The following ARHGEF12 variants were observed in gnomAD, a reference collection of about 807,000 sequenced individuals.
ARHGEF12 encodes Rho guanine nucleotide exchange factor 12, also known as KMT2A/ARHGEF12 fusion protein.
In ARHGEF12, 66 loss-of-function variants were observed where a neutral mutation model predicts 211.2. The observed-to-expected ratio is 0.31, with a 90% CI of 0.26 to 0.38. The LOEUF is 0.38. ARHGEF12 is among the 10% of genes least tolerant of loss of function. ARHGEF12 has a pLI of 1.00. For missense variants in ARHGEF12, 1,429 were observed against 1,869.5 expected, an observed-to-expected ratio of 0.76 and a Z score of 4.34; for synonymous variants, 592 against 638.4, an observed-to-expected ratio of 0.93 and a Z score of 1.09.
At chr11:120,443,440 AT>A (rs1436761179) in intron 15 of ARHGEF12, among the ~76,000 whole-genome samples, 1 of 152,004 alleles carries the variant, frequency 6.6e-6, no homozygotes, top group Non-Finnish European at 1.5e-5. Flanking sequence ...TCGGTTTTAT[AT>A]TTTCTACAGA....
At position 120,407,896 on chromosome 11, in the gene ARHGEF12, G is replaced by A. The variant is rs556776679; in HGVS notation, c.142+73G>A. 2.3e-5 allele frequency: 29 copies of A among 1,254,712 alleles called. No homozygotes were observed. The African/African-American group carries it at 3.3e-4, about 14-fold the overall frequency. The allele number at this position is 1,254,712 out of a possible 1,614,324, so 77.7% of individuals were successfully genotyped here. ...CAGAATAATAGAGCTTAAGCTACCC[G>A]AAACACTCAGGAATAGTTGTTTGAT... On this transcript the variant is annotated intron_variant, in intron 3 of 40. Transcript: ENST00000397843.
At chr11:120,422,808 T>C (rs1390773370) in intron 6 of ARHGEF12, among the ~76,000 whole-genome samples, 1 of 152,124 alleles carries the variant, frequency 6.6e-6, no homozygotes, top group African/African-American at 2.4e-5. Context: ...TGAGAAGAGA[T>C]GTATATGACT....
intron 1 of ARHGEF12, among the ~76,000 whole-genome samples, chr11:120,343,410 G>A (rs78036586): frequency 2.9e-4 from 44 of 152,302 alleles, no homozygotes; most frequent in Middle Eastern, 3.4e-3. Context: ...AGGGAAGACC[G>A]CTATAAGACA....
chr11:120,388,352 A>G (rs910962329), intron 1 of ARHGEF12, among the ~76,000 whole-genome samples: 16 of 152,294 alleles, frequency 1.1e-4, no homozygotes, highest in African/African-American at 3.8e-4. Context: ...GATATACCAC[A>G]GTTTATCCAT....
chr11:120,473,354 A>G (rs1946930226), intron 31 of ARHGEF12, among the ~76,000 whole-genome samples: 1 of 152,168 alleles, frequency 6.6e-6, no homozygotes, highest in Non-Finnish European at 1.5e-5. Context: ...CATGACAGCA[A>G]TTGGCAGGAG....
chr11:120,458,416 T>C, intron 25 of ARHGEF12, 182 bp downstream of exon 25: 1 of 591,834 alleles, frequency 1.7e-6, no homozygotes. Flanking sequence ...CTCTGATTCT[T>C]ATTGATAATT....
chr11:120,405,751 A>G lies in ARHGEF12; in HGVS notation c.33-367A>G, dbSNP rs946980988. ...TTTAAAAATCTATAAAATGGAAAGT[A>G]TATCTCTTCATAGAGATTTCTTTTT... is the stretch of plus-strand genomic sequence containing the variant. On this transcript the variant is annotated intron_variant, in intron 1 of 40. Transcript: ENST00000397843. Among the ~76,000 whole-genome samples the G allele has an allele frequency of 2.6e-5, 4 of 152,330 alleles. No homozygotes were observed. The South Asian group carries it at 8.3e-4, about 32-fold the overall frequency.
At chr11:120,371,285 T>C (rs1230327239) in intron 1 of ARHGEF12, among the ~76,000 whole-genome samples, 1 of 152,208 alleles carries the variant, frequency 6.6e-6, no homozygotes, top group Non-Finnish European at 1.5e-5. Flanking sequence ...GGTTGGGAGT[T>C]TGAGACCAGC....
chr11:120,337,651 C>T (rs1591470245), intron 1 of ARHGEF12: 1 of 985,370 alleles, frequency 1.0e-6, no homozygotes, highest in Middle Eastern at 5.2e-4. Context: ...CAGCTTTAGC[C>T]GTGTCCTGCA....
intron 22 of ARHGEF12, among the ~76,000 whole-genome samples, chr11:120,451,990 T>C (rs1946228084): frequency 6.6e-6 from 1 of 152,224 alleles, no homozygotes; most frequent in African/African-American, 2.4e-5. Context: ...GATGCTTGCC[T>C]CATGCAGCTT....
At chr11:120,467,368 C>G in intron 29 of ARHGEF12, 60 bp downstream of exon 29, 3 of 995,160 alleles carry the variant, frequency 3.0e-6, no homozygotes, top group Non-Finnish European at 4.7e-6. Flanking sequence ...CACCCAATAT[C>G]CTGTAAATAA....
In ARHGEF12 at chr11:120,429,536, G is replaced by A. The variant is rs780910570; in HGVS notation, c.663+19G>A. The A allele has an allele frequency of 6.2e-7, 1 of 1,610,842 alleles. No individual in the cohort carries two copies. The highest frequency in any genetic ancestry group is 8.5e-7 in the Non-Finnish European group (1 of 1,178,486). ...GCTACAGGTATTAAATGAGAAGTAG[G>A]GCTGTTTACAGGCCAATAAAAATGT... is the stretch of plus-strand genomic sequence containing the variant. On this transcript the variant is annotated intron_variant, in intron 9 of 40. Coordinates refer to ENST00000397843, the MANE Select transcript of ARHGEF12 (RefSeq NM_015313.3).
At chr11:120,357,695 A>C (rs1256243704) in intron 1 of ARHGEF12, among the ~76,000 whole-genome samples, 4 of 152,106 alleles carry the variant, frequency 2.6e-5, no homozygotes, top group African/African-American at 9.7e-5. Flanking sequence ...TCGGCCTCCC[A>C]AAATACTGGA....
intron 1 of ARHGEF12, among the ~76,000 whole-genome samples, chr11:120,384,407 A>G (rs1037829578): frequency 5.9e-5 from 9 of 152,182 alleles, no homozygotes; most frequent in African/African-American, 1.4e-4. Flanking sequence ...TTCATTCGTT[A>G]CTTATATATT....
rs1555090041 is a variant in ARHGEF12, at chr11:120,347,183, C to CCTTCCTTT, written c.32+9911_32+9912insCCTTTCTT. On this transcript the variant is annotated intron_variant, in intron 1 of 40. Coordinates refer to ENST00000397843, the MANE Select transcript of ARHGEF12 (RefSeq NM_015313.3). ...TCCTTCCTTCCTTCCTTCCTTCCTT[C>CCTTCCTTT]CTTTCTTTCTTTCTTTCTTTCTCTT... is the stretch of plus-strand genomic sequence containing the variant. 2.0e-3 allele frequency among the ~76,000 whole-genome samples: 196 copies of CCTTCCTTT among 100,300 alleles called. 2 individuals are homozygous for CCTTCCTTT. The highest frequency in any genetic ancestry group is 0.01 in the Admixed American group (93 of 9,230). The allele number at this position is 100,300 out of a possible 152,430, so 65.8% of individuals were successfully genotyped here.
At chr11:120,386,441 T>C (rs992384945) in intron 1 of ARHGEF12, among the ~76,000 whole-genome samples, 1 of 152,150 alleles carries the variant, frequency 6.6e-6, no homozygotes, top group African/African-American at 2.4e-5. Context: ...AAGCGTACTA[T>C]GGAGCTTTCA....
In ARHGEF12 at chr11:120,446,452, C is replaced by G; in HGVS notation, c.1395C>G (p.Ile465Met). Reference sequence around the variant, plus strand: ...CTGAGGATCTGCATCGCCACTATATCCAAACTATGCAAGAAAGAGTCCATC... The same window carrying G: ...CTGAGGATCTGCATCGCCACTATATGCAAACTATGCAAGAAAGAGTCCATC... ...LIPEDLHRHY[I>M]QTMQERVHPE... The change falls in exon 17 of 41, where the codon ATC becomes ATG. Residue 465 changes from isoleucine to methionine, a missense_variant. Ile to Met is a conservative substitution (Grantham distance 10). This residue lies in a region of ARHGEF12 where 373 missense variants were observed against 467.5 expected (regional missense o/e 0.80). Transcript: ENST00000397843. The G allele has an allele frequency of 6.2e-7, 1 of 1,613,254 alleles. No homozygotes were observed. The highest frequency in any genetic ancestry group is 1.1e-5 in the South Asian group (1 of 90,928).
chr11:120,372,021 A>G (rs1943602362), intron 1 of ARHGEF12, among the ~76,000 whole-genome samples: 1 of 152,264 alleles, frequency 6.6e-6, no homozygotes, highest in Admixed American at 6.5e-5. Context: ...GGTTATTTAG[A>G]TAGCTTATGA....
Position 120,392,942 on chromosome 11 carries a change from G to A in ARHGEF12, c.33-13176G>A, listed in dbSNP as rs571734590. Among the ~76,000 whole-genome samples the A allele has an allele frequency of 5.3e-5, 8 of 152,298 alleles. 1 individual carries two copies. In the South Asian group the frequency reaches 1.7e-3, roughly 32 times the overall value. ...AGGCCCATCACTGTTGCTACAGATG[G>A]GGTTGGCTTGACCTGAGTCATCTGG... On this transcript the variant is annotated intron_variant, in intron 1 of 40. Transcript: ENST00000397843.
Sources: gnomAD v4.1 joint callset for allele counts (sites outside exome capture counted in the v4.1 genomes callset) on GRCh38, gnomAD v4.1.1 for gene constraint, gnomAD v4.1.1 regional missense constraint, MANE v1.5 for transcripts, NCBI Gene and HGNC (gene_info 2026-07-23, HGNC 2026-07-21) for gene names.